Variants in PSD2 observed in about 807,000 individuals in gnomAD.
The protein encoded by PSD2 is PH and SEC7 domain-containing protein 2.
Under a neutral mutation model 69.8 loss-of-function variants are expected in PSD2, and 38 were observed. The ratio of observed to expected loss-of-function variants is 0.54; its 90% CI spans 0.42 to 0.71. The LOEUF is 0.71. PSD2 is among the 30% of genes least tolerant of loss of function. The probability of loss-of-function intolerance (pLI) is 0.00; values close to 1 mark genes in which losing one functional copy is unlikely to be tolerated. For missense variants in PSD2, 943 were observed against 1,014.5 expected (o/e 0.93, Z 0.96); for synonymous variants, 412 against 423.0 (o/e 0.97, Z 0.32).
At chr5:139,768,722 TA>T in the PSD2 span, among the ~76,000 whole-genome samples, 3,884 of 114,818 alleles carry the variant, frequency 0.034, 130 homozygotes, top group African/African-American at 0.1. Context: ...AAACTCCATC[TA>T]AAAAAAAAAA....
chr5:139,766,828 C>CTTCCTTCTTTCT, the PSD2 span, among the ~76,000 whole-genome samples: 1 of 87,736 alleles, frequency 1.1e-5, no homozygotes, highest in African/African-American at 3.6e-5. Context: ...AAGTCCCTTC[C>CTTCCTTCTTTCT]TTCTTTCTTT....
At chr5:139,809,131 A>G (rs1430987676) in intron 1 of PSD2, among the ~76,000 whole-genome samples, 3 of 152,136 alleles carry the variant, frequency 2.0e-5, no homozygotes, top group Admixed American at 6.5e-5. Flanking sequence ...CACAGCAGAG[A>G]CACAAGAGGT....
chr5:139,764,889 A>G, the PSD2 span, among the ~76,000 whole-genome samples: 1 of 152,082 alleles, frequency 6.6e-6, no homozygotes, highest in African/African-American at 2.4e-5. Flanking sequence ...GCGAAGGGAC[A>G]TTTCTGATCT....
chr5:139,833,614 T>A, intron 7 of PSD2, 88 bp from the exon 8 acceptor site: 1 of 879,312 alleles, frequency 1.1e-6, no homozygotes, highest in Non-Finnish European at 1.9e-6. Flanking sequence ...TAATGCTGCC[T>A]CATCCCTCTG....
In PSD2 at chr5:139,797,997, G is replaced by A. The variant is rs1189854081; in HGVS notation, c.-51+2022G>A. On this transcript the variant is annotated intron_variant, in intron 1 of 14. Transcript: ENST00000274710. ...GGTGGGATCAAGGCATTCCCATTCCGGACGTTGGCTTGCAGGAGATCAACA... is the reference window on the plus strand; with the variant it reads ...GGTGGGATCAAGGCATTCCCATTCCAGACGTTGGCTTGCAGGAGATCAACA... 3.3e-5 allele frequency among the ~76,000 whole-genome samples: 5 copies of A among 150,666 alleles called. No individual in the cohort carries two copies. The East Asian group carries it at 5.9e-4, about 18-fold the overall frequency.
the PSD2 span, among the ~76,000 whole-genome samples, chr5:139,759,163 G>T: frequency 4.6e-5 from 7 of 152,058 alleles, no homozygotes; most frequent in Non-Finnish European, 8.8e-5. Context: ...CCCATTCTCC[G>T]TCTCTCCTGG....
At chr5:139,746,680 C>G in the PSD2 span, among the ~76,000 whole-genome samples, 1 of 152,212 alleles carries the variant, frequency 6.6e-6, no homozygotes, top group Non-Finnish European at 1.5e-5. This position sits in a 1 kb window ranked among gnomAD's most constrained non-coding sequence, Gnocchi z 4.5. Context: ...TGGACTGATG[C>G]GCGAGGGAGG....
At chr5:139,831,743 CA>C (rs1324524904) in intron 7 of PSD2, among the ~76,000 whole-genome samples, 1 of 152,214 alleles carries the variant, frequency 6.6e-6, no homozygotes, top group African/African-American at 2.4e-5. Flanking sequence ...TGTTGCTCTA[CA>C]TAGTCGATTT....
chr5:139,822,984 A>G (rs1436425377), intron 7 of PSD2, among the ~76,000 whole-genome samples, 200 bp downstream of exon 7: 4 of 152,120 alleles, frequency 2.6e-5, no homozygotes, highest in Admixed American at 2.0e-4. Flanking sequence ...ACCCCCAAGT[A>G]TGCCAGTGAG....
In PSD2 at chr5:139,822,803, G is replaced by A. The variant is rs780223354; in HGVS notation, c.1269+19G>A. ...CGGCCACGTGAGTTGGGGAGGTGACGGGGGGTGTCGCATGTCCTCTCAGGG... is the reference window on the plus strand; with the variant it reads ...CGGCCACGTGAGTTGGGGAGGTGACAGGGGGTGTCGCATGTCCTCTCAGGG... On this transcript the variant is annotated intron_variant, in intron 7 of 14. Transcript: ENST00000274710. 63 of 1,595,128 alleles carry A rather than the reference G, an allele frequency of 3.9e-5. No homozygotes were observed. The East Asian group carries it at 6.9e-4, about 17-fold the overall frequency.
At chr5:139,758,177 A>G in the PSD2 span, among the ~76,000 whole-genome samples, 3 of 152,172 alleles carry the variant, frequency 2.0e-5, no homozygotes, top group Non-Finnish European at 4.4e-5. Context: ...CTGGTGGGAG[A>G]GGCCGGTGGA....
In PSD2 at chr5:139,838,620, G is replaced by T. The variant is rs756343855; in HGVS notation, c.1824-8G>T. On this transcript the variant is annotated splice_polypyrimidine_tract_variant and splice_region_variant and intron_variant, in intron 12 of 14. Coordinates refer to ENST00000274710, the MANE Select transcript of PSD2 (RefSeq NM_032289.4). ...GAGGCCGGCACCCTCTCCCCCTCCT[G>T]TCCCCAGGAGCAAGGAAGAAATGCT... is the stretch of plus-strand genomic sequence containing the variant. 1.4e-5 allele frequency: 23 copies of T among 1,609,532 alleles called. 1 individual carries two copies. In the African/African-American group the frequency reaches 2.7e-4, roughly 19 times the overall value.
At chr5:139,776,722 G>A in the PSD2 span, among the ~76,000 whole-genome samples, 3 of 151,156 alleles carry the variant, frequency 2.0e-5, no homozygotes, top group Non-Finnish European at 4.4e-5. Flanking sequence ...AGGCTGGAGT[G>A]CAGTGGCATG....
chr5:139,762,147 A>G, the PSD2 span, among the ~76,000 whole-genome samples: 46 of 149,928 alleles, frequency 3.1e-4, no homozygotes, highest in Non-Finnish European at 5.6e-4. Flanking sequence ...GGTTCAAGCA[A>G]GTCTCCTGCC....
the PSD2 span, among the ~76,000 whole-genome samples, chr5:139,785,039 G>T: frequency 6.6e-6 from 1 of 152,052 alleles, no homozygotes; most frequent in Non-Finnish European, 1.5e-5. Flanking sequence ...GATTACAGGC[G>T]TGAGCCACCT....
At chr5:139,796,508 G>T (rs1759532668) in intron 1 of PSD2, among the ~76,000 whole-genome samples, 1 of 152,206 alleles carries the variant, frequency 6.6e-6, no homozygotes, top group Non-Finnish European at 1.5e-5. Flanking sequence ...GGCCTCCCCG[G>T]CTCTGCAGCT....
chr5:139,759,144 A>G, the PSD2 span, among the ~76,000 whole-genome samples: 1 of 152,024 alleles, frequency 6.6e-6, no homozygotes, highest in Non-Finnish European at 1.5e-5. Flanking sequence ...AAGGAGGCCC[A>G]TGGCCTCCCC....
the PSD2 span, among the ~76,000 whole-genome samples, chr5:139,783,580 G>A: frequency 3.3e-5 from 5 of 152,180 alleles, no homozygotes; most frequent in Admixed American, 1.3e-4. Flanking sequence ...CCTCTTGGCC[G>A]TCATGAGTAG....
Position 139,833,836 on chromosome 5 carries a change from T to C in PSD2, c.1359+45T>C, listed in dbSNP as rs920192180. The C allele has an allele frequency of 7.8e-6, 11 of 1,412,432 alleles. No individual in the cohort carries two copies. In the Middle Eastern group the frequency reaches 1.1e-3, roughly 139 times the overall value. The allele number at this position is 1,412,432 out of a possible 1,614,324, so 87.5% of individuals were successfully genotyped here. On this transcript the variant is annotated intron_variant, in intron 8 of 14. Transcript: ENST00000274710. ...CCCATCCCACTAGCTGTGCCCTGAA[T>C]GGATAGAGAGGAGAGAGGTCTGTGC...
Sources: allele counts gnomAD v4.1 joint callset (sites outside exome capture counted in the v4.1 genomes callset), GRCh38; gene constraint gnomAD v4.1.1; non-coding constraint Gnocchi (gnomAD v3.1); transcripts MANE v1.5; gene names NCBI Gene and HGNC (gene_info 2026-07-23, HGNC 2026-07-21).